The following GRM8 variants were observed in gnomAD, a reference collection of about 807,000 sequenced individuals.
GRM8 encodes the protein metabotropic glutamate receptor 8.
Under a neutral mutation model 87.2 loss-of-function variants are expected in GRM8, and 47 were observed. That is an observed-to-expected ratio of 0.54 (90% CI 0.43 to 0.69). GRM8 has a LOEUF of 0.69. Among genes scored for constraint, GRM8 ranks in the 30% least tolerant of loss-of-function variants. The pLI, the probability that GRM8 is intolerant of heterozygous loss-of-function variation, is 0.00. For missense variants in GRM8, 1,019 were observed against 1,139.2 expected (o/e 0.89, Z 1.52); for synonymous variants, 396 against 404.5 (o/e 0.98, Z 0.25).
chr7:126,539,033 G>A (rs549536424), intron 8 of GRM8, among the ~76,000 whole-genome samples: 7 of 151,884 alleles, frequency 4.6e-5, no homozygotes, highest in East Asian at 1.9e-4. Context: ...AAAGTGGCCC[G>A]TGTCCTTTGA....
intron 2 of GRM8, among the ~76,000 whole-genome samples, chr7:127,186,420 G>A (rs574897285): frequency 1.3e-5 from 2 of 152,264 alleles, no homozygotes; most frequent in African/African-American, 4.8e-5. Flanking sequence ...TGGCGTCCCA[G>A]GAAGGCCAAG....
At chr7:126,893,473 A>C (rs1299648037) in intron 6 of GRM8, among the ~76,000 whole-genome samples, 1 of 152,028 alleles carries the variant, frequency 6.6e-6, no homozygotes, top group Non-Finnish European at 1.5e-5. Flanking sequence ...TATCATTCCA[A>C]CAATTAAAAT....
chr7:126,948,575 C>T (rs572256510), intron 3 of GRM8, among the ~76,000 whole-genome samples: 1 of 151,802 alleles, frequency 6.6e-6, no homozygotes, highest in Non-Finnish European at 1.5e-5. Context: ...GCTATCCTTG[C>T]TTTCAACAGA....
chr7:126,788,944 C>T (rs1820978586), intron 6 of GRM8, among the ~76,000 whole-genome samples: 1 of 152,054 alleles, frequency 6.6e-6, no homozygotes, highest in South Asian at 2.1e-4. Flanking sequence ...TAACATATGG[C>T]ATTCTAACTT....
At chr7:126,993,213 A>T (rs1812847051) in intron 3 of GRM8, among the ~76,000 whole-genome samples, 1 of 152,212 alleles carries the variant, frequency 6.6e-6, no homozygotes, top group African/African-American at 2.4e-5. Flanking sequence ...AATAAAAAAC[A>T]GGGACTCATA....
intron 2 of GRM8, among the ~76,000 whole-genome samples, chr7:127,188,790 G>T (rs1318884647): frequency 6.6e-6 from 1 of 152,134 alleles, no homozygotes; most frequent in East Asian, 1.9e-4. Context: ...AGACAAGTTT[G>T]ATGACATTCA....
chr7:126,484,822 C>T (rs191968449), intron 9 of GRM8, among the ~76,000 whole-genome samples: 4 of 151,700 alleles, frequency 2.6e-5, no homozygotes, highest in African/African-American at 7.2e-5. Flanking sequence ...AATAACTGAC[C>T]CCATTTTTGG....
intron 6 of GRM8, among the ~76,000 whole-genome samples, chr7:126,875,279 GAA>G (rs545284156): frequency 7.1e-6 from 1 of 141,182 alleles, no homozygotes; most frequent in Non-Finnish European, 1.6e-5. Context: ...ATCAAAGAAG[GAA>G]AAAAAAAAAC....
At chr7:126,594,277 A>G (rs927922891) in intron 8 of GRM8, among the ~76,000 whole-genome samples, 2 of 152,088 alleles carry the variant, frequency 1.3e-5, no homozygotes, top group African/African-American at 4.8e-5. Context: ...TTGAAGATAT[A>G]TCTGTGCTAT....
chr7:127,223,466 C>CACAG (rs1797093432), intron 2 of GRM8, among the ~76,000 whole-genome samples: 1 of 150,896 alleles, frequency 6.6e-6, no homozygotes, highest in East Asian at 1.9e-4. Flanking sequence ...CACACACACA[C>CACAG]ACACACACAC....
chr7:126,487,879 C>A (rs758086076), intron 9 of GRM8, among the ~76,000 whole-genome samples: 1 of 151,948 alleles, frequency 6.6e-6, no homozygotes, highest in Non-Finnish European at 1.5e-5. Flanking sequence ...CAGTTTGTTT[C>A]TTTGAAGTGA....
At chr7:126,895,251 T>C (rs1186726095) in intron 6 of GRM8, among the ~76,000 whole-genome samples, 2 of 152,122 alleles carry the variant, frequency 1.3e-5, no homozygotes, top group Non-Finnish European at 2.9e-5. Flanking sequence ...CAAGTCTTGT[T>C]TAGACGATCT....
chr7:126,621,940 C>T (rs1289033771), intron 7 of GRM8, among the ~76,000 whole-genome samples: 1 of 152,118 alleles, frequency 6.6e-6, no homozygotes, highest in African/African-American at 2.4e-5. Flanking sequence ...GATAGTGACT[C>T]TTCTCTCCTA....
chr7:126,675,792 T>C (rs1806894903), intron 7 of GRM8, among the ~76,000 whole-genome samples: 1 of 152,146 alleles, frequency 6.6e-6, no homozygotes, highest in Admixed American at 6.5e-5. Context: ...TAATACTGAA[T>C]GGGCAGAAGT....
At chr7:126,618,166 T>G (rs1799727729) in intron 7 of GRM8, among the ~76,000 whole-genome samples, 1 of 152,126 alleles carries the variant, frequency 6.6e-6, no homozygotes. Flanking sequence ...ATGGTACTGG[T>G]ACCAAAACAG....
At chr7:126,844,158 G>C (rs1339356198) in intron 6 of GRM8, among the ~76,000 whole-genome samples, 2 of 152,096 alleles carry the variant, frequency 1.3e-5, no homozygotes, top group Admixed American at 1.3e-4. Context: ...TGAGTTCCTG[G>C]CATTAAGCAT....
In GRM8 at chr7:126,806,891, T is replaced by A. The variant is rs535318798; in HGVS notation, c.1157-36826A>T. 6.1e-3 allele frequency among the ~76,000 whole-genome samples: 933 copies of A among 151,966 alleles called. 5 individuals carry two copies. The highest frequency in any genetic ancestry group is 0.01 in the Middle Eastern group (3 of 292). On this transcript the variant is annotated intron_variant, in intron 6 of 10. Coordinates refer to ENST00000339582, the MANE Select transcript of GRM8 (RefSeq NM_000845.3). ...CCACCCGCGCGTCTCCCTCCACACC[T>A]CCCCGCGAGCAGAGGGAGCCGGCTC...
intron 1 of GRM8, among the ~76,000 whole-genome samples, chr7:127,245,375 G>A (rs1166691556): frequency 6.6e-6 from 1 of 152,336 alleles, no homozygotes; most frequent in Middle Eastern, 3.4e-3. Context: ...TGTCTAGGGG[G>A]AGTGGATGGG....
chr7:127,109,422 T>C (rs1286615238), intron 2 of GRM8, among the ~76,000 whole-genome samples: 1 of 152,136 alleles, frequency 6.6e-6, no homozygotes, highest in African/African-American at 2.4e-5. Context: ...ACAAAGATCA[T>C]CAGATTCTGT....
Sources: allele counts gnomAD v4.1 joint callset (sites outside exome capture counted in the v4.1 genomes callset), GRCh38; gene constraint gnomAD v4.1.1; transcripts MANE v1.5; gene names NCBI Gene and HGNC (gene_info 2026-07-23, HGNC 2026-07-21).